EXT1: variants seen among roughly 807,000 people sequenced by gnomAD.
EXT1 encodes the protein exostosin-1.
Under a neutral mutation model 82.5 loss-of-function variants are expected in EXT1, and 20 were observed. That is an observed-to-expected ratio of 0.24 (90% CI 0.17 to 0.35). The LOEUF is 0.35. Among genes scored for constraint, EXT1 ranks in the 10% least tolerant of loss-of-function variants. The pLI is 1.00. For synonymous variants in EXT1, 348 were observed against 350.8 expected (o/e 0.99, Z 0.09); for missense variants, 757 against 936.5 (o/e 0.81, Z 2.50).
intron 1 of EXT1, among the ~76,000 whole-genome samples, chr8:117,931,902 C>T (rs148835079): frequency 4.0e-4 from 61 of 152,166 alleles, no homozygotes; most frequent in African/African-American, 1.3e-3. Context: ...GTTTGCAAGT[C>T]GAAGCAGTGA....
chr8:117,819,649 G>C, intron 6 of EXT1, 27 bp downstream of exon 6: 1 of 1,592,092 alleles, frequency 6.3e-7, no homozygotes, highest in Non-Finnish European at 8.6e-7. Context: ...GAGCAGGCAG[G>C]GGCTTCTCTG....
At position 117,801,911 on chromosome 8, in the gene EXT1, T is replaced by G. The variant is rs149626953; in HGVS notation, c.2056-2014A>C. Reference sequence around the variant, plus strand: ...ACTGTCTAGAGTTTACACTCATTCCTATTCAAAAAATTTTTTTTAAAGTTC... The same window carrying G: ...ACTGTCTAGAGTTTACACTCATTCCGATTCAAAAAATTTTTTTTAAAGTTC... On this transcript the variant is annotated intron_variant, in intron 10 of 10. Transcript: ENST00000378204. 7.3e-3 allele frequency among the ~76,000 whole-genome samples: 1,108 copies of G among 152,374 alleles called. 20 individuals carry two copies. The highest frequency in any genetic ancestry group is 0.025 in the African/African-American group (1,054 of 41,596).
intron 6 of EXT1, 138 bp downstream of exon 6, chr8:117,819,538 A>G (rs1563570332): frequency 3.8e-6 from 3 of 785,368 alleles, no homozygotes. Flanking sequence ...GGCAGGATGA[A>G]TGAAAGGGAG....
At chr8:118,087,093 G>A (rs948645887) in intron 1 of EXT1, among the ~76,000 whole-genome samples, 4 of 152,270 alleles carry the variant, frequency 2.6e-5, no homozygotes, top group South Asian at 2.1e-4. Flanking sequence ...TTCAAGGCTC[G>A]TGCCCAGCGC....
At chr8:118,046,513 T>C (rs572735136) in intron 1 of EXT1, among the ~76,000 whole-genome samples, 98 of 152,102 alleles carry the variant, frequency 6.4e-4, no homozygotes, top group South Asian at 2.5e-3. Flanking sequence ...GTTCTGTGGG[T>C]AGGAAGCGGT....
At chr8:117,988,781 A>G (rs1263281560) in intron 1 of EXT1, among the ~76,000 whole-genome samples, 1 of 152,146 alleles carries the variant, frequency 6.6e-6, no homozygotes, top group Non-Finnish European at 1.5e-5. Flanking sequence ...AATGCCAAAC[A>G]CTGAGGTGGT....
In EXT1 at chr8:118,070,622, T is replaced by C. The variant is rs576261586; in HGVS notation, c.962+39463A>G. On this transcript the variant is annotated intron_variant, in intron 1 of 10. Transcript: ENST00000378204. ...CAAATGCAAATAATCTTTTAAACTT[T>C]AGGAGTTAAGACCAAACAAATTCTT... 6.6e-5 allele frequency among the ~76,000 whole-genome samples: 10 copies of C among 152,298 alleles called. No homozygotes were observed. The South Asian group carries it at 1.9e-3, about 28-fold the overall frequency.
intron 1 of EXT1, among the ~76,000 whole-genome samples, chr8:117,844,494 T>C (rs1284501451): frequency 6.6e-6 from 1 of 152,118 alleles, no homozygotes; most frequent in Non-Finnish European, 1.5e-5. Flanking sequence ...GTTTACAGCA[T>C]GCAGTCGTAC....
intron 6 of EXT1, among the ~76,000 whole-genome samples, chr8:117,818,824 G>A (rs1024932813): frequency 5.3e-5 from 8 of 152,140 alleles, no homozygotes; most frequent in African/African-American, 1.2e-4. Context: ...AAAGAATTAC[G>A]GTGGCTGGAG....
At chr8:118,068,036 A>G (rs752173032) in intron 1 of EXT1, among the ~76,000 whole-genome samples, 19 of 152,198 alleles carry the variant, frequency 1.2e-4, no homozygotes, top group Non-Finnish European at 2.6e-4. Context: ...CCCCCACTAT[A>G]TATCTAGAGC....
chr8:117,864,768 CAA>C (rs767778554), intron 1 of EXT1, among the ~76,000 whole-genome samples: 4 of 117,658 alleles, frequency 3.4e-5, no homozygotes, highest in Non-Finnish European at 1.8e-5. Context: ...AAAAAAATCG[CAA>C]AAAAAAAAAA....
chr8:118,050,932 T>A (rs1233548812), intron 1 of EXT1, among the ~76,000 whole-genome samples: 2 of 152,186 alleles, frequency 1.3e-5, no homozygotes, highest in Non-Finnish European at 2.9e-5. Flanking sequence ...CTTATTCCCA[T>A]TTCATTATAG....
In EXT1 at chr8:117,861,534, A is replaced by ATGAGTATGCATCAAAGCTAACAACG. The variant is rs1289259448; in HGVS notation, c.963-24334_963-24333insCGTTGTTAGCTTTGATGCATACTCA. 2.5e-3 allele frequency among the ~76,000 whole-genome samples: 284 copies of ATGAGTATGCATCAAAGCTAACAACG among 114,558 alleles called. 4 individuals are homozygous for ATGAGTATGCATCAAAGCTAACAACG. The highest frequency in any genetic ancestry group is 4.1e-3 in the Admixed American group (33 of 8,052). The allele number at this position is 114,558 out of a possible 152,430, so 75.2% of individuals were successfully genotyped here. ...TTTTGAGATAGAGTCTTGCTCTGTC[A>ATGAGTATGCATCAAAGCTAACAACG]CCCAGGCTGGAGGGCAGTGGCATGA... is the stretch of plus-strand genomic sequence containing the variant. On this transcript the variant is annotated intron_variant, in intron 1 of 10. Coordinates refer to ENST00000378204, the MANE Select transcript of EXT1 (RefSeq NM_000127.3).
intron 1 of EXT1, among the ~76,000 whole-genome samples, chr8:117,900,567 AC>A (rs1294233385): frequency 3.3e-5 from 5 of 151,938 alleles, no homozygotes; most frequent in Admixed American, 3.3e-4. Context: ...TCTCCATTCT[AC>A]CCTGCAATCA....
In EXT1 at chr8:118,111,359, AAAG is replaced by A. The variant is rs1817900601; in HGVS notation, c.-316_-314del. The A allele has an allele frequency of 1.8e-6, 1 of 562,546 alleles. No homozygotes were observed. The highest frequency in any genetic ancestry group is 1.9e-5 in the African/African-American group (1 of 53,166). 34.8% of individuals were successfully genotyped at this position (562,546 alleles called of 1,614,324 possible). ...TTCTTGCATGCAACAAGACGGAGGA[AAAG>A]AAAGAGAGAGGGGAGAAAAAAAAAG... On this transcript the variant is annotated 5_prime_UTR_variant, in exon 1 of 11. Coordinates refer to ENST00000378204, the MANE Select transcript of EXT1 (RefSeq NM_000127.3).
intron 1 of EXT1, among the ~76,000 whole-genome samples, chr8:118,074,478 G>GCCCGGGCCAGGCAGAGC (rs1438527401): frequency 6.6e-6 from 1 of 152,122 alleles, no homozygotes; most frequent in African/African-American, 2.4e-5. Context: ...GGGCGCGGAG[G>GCCCGGGCCAGGCAGAGC]CCCGGGCCAG....
chr8:118,040,058 T>G (rs1473128527), intron 1 of EXT1, among the ~76,000 whole-genome samples: 3 of 152,178 alleles, frequency 2.0e-5, no homozygotes, highest in African/African-American at 7.2e-5. Flanking sequence ...AAATCTCAAA[T>G]GAGAAGCAGA....
At chr8:118,062,847 T>C (rs1816904248) in intron 1 of EXT1, among the ~76,000 whole-genome samples, 3 of 152,174 alleles carry the variant, frequency 2.0e-5, no homozygotes, top group African/African-American at 7.2e-5. Flanking sequence ...AACAAGACTA[T>C]ATAATTTATT....
chr8:118,014,190 C>G, intron 1 of EXT1, among the ~76,000 whole-genome samples: 1 of 152,116 alleles, frequency 6.6e-6, no homozygotes, highest in Non-Finnish European at 1.5e-5. Flanking sequence ...TTCCCATCTA[C>G]AAAATGGGGT....
Sources: gnomAD v4.1 joint callset for allele counts (sites outside exome capture counted in the v4.1 genomes callset) on GRCh38, gnomAD v4.1.1 for gene constraint, MANE v1.5 for transcripts, NCBI Gene and HGNC (gene_info 2026-07-23, HGNC 2026-07-21) for gene names.